The following TNR variants were observed in gnomAD, a reference collection of about 807,000 sequenced individuals.
TNR encodes tenascin-R.
Under a neutral mutation model 150.4 loss-of-function variants are expected in TNR, and 45 were observed. That is an observed-to-expected ratio of 0.30 (90% CI 0.24 to 0.38). The LOEUF is 0.38. TNR is among the 10% of genes least tolerant of loss of function. The pLI, the probability that TNR is intolerant of heterozygous loss-of-function variation, is 1.00. For missense variants in TNR, 1,544 were observed against 1,759.1 expected (o/e 0.88, Z 2.19); for synonymous variants, 687 against 678.4 (o/e 1.01, Z -0.20).
intron 2 of TNR, among the ~76,000 whole-genome samples, chr1:175,470,130 T>C (rs1657220229): frequency 1.3e-5 from 2 of 151,868 alleles, no homozygotes; most frequent in Non-Finnish European, 1.5e-5. Flanking sequence ...ATTGGACGGG[T>C]TGCATTTGAG....
chr1:175,544,609 T>A (rs1373170096), intron 1 of TNR, among the ~76,000 whole-genome samples: 1 of 152,176 alleles, frequency 6.6e-6, no homozygotes, highest in Non-Finnish European at 1.5e-5. Flanking sequence ...CATAGGTATA[T>A]TGGTGCTAAT....
chr1:175,491,040 T>TAA (rs932466820), intron 2 of TNR, among the ~76,000 whole-genome samples: 8 of 152,166 alleles, frequency 5.3e-5, no homozygotes, highest in African/African-American at 1.9e-4. Context: ...TATGTAGCCA[T>TAA]AAAAAGGAAT....
At chr1:175,464,422 T>A (rs745494089) in intron 2 of TNR, among the ~76,000 whole-genome samples, 1 of 152,040 alleles carries the variant, frequency 6.6e-6, no homozygotes, top group South Asian at 2.1e-4. Context: ...CACTGCCAGC[T>A]CCAAGGAAGA....
intron 1 of TNR, among the ~76,000 whole-genome samples, chr1:175,687,072 G>A (rs1666219782): frequency 6.6e-6 from 1 of 152,202 alleles, no homozygotes; most frequent in South Asian, 2.1e-4. Flanking sequence ...TGGGAGCACA[G>A]TTGCATCTAT....
chr1:175,391,647 T>C (rs188067111), intron 6 of TNR, among the ~76,000 whole-genome samples: 2 of 152,200 alleles, frequency 1.3e-5, no homozygotes, highest in African/African-American at 4.8e-5. Context: ...CTATGAGGAT[T>C]TGGCAAATGG....
intron 17 of TNR, among the ~76,000 whole-genome samples, 189 bp downstream of exon 17, chr1:175,355,314 C>G (rs1272329882): frequency 2.0e-5 from 3 of 152,168 alleles, no homozygotes; most frequent in Non-Finnish European, 4.4e-5. Context: ...TCATCCAAAT[C>G]TTCTGGCTTG....
chr1:175,460,910 T>C (rs1656785542), intron 2 of TNR, among the ~76,000 whole-genome samples: 1 of 152,198 alleles, frequency 6.6e-6, no homozygotes, highest in Non-Finnish European at 1.5e-5. Flanking sequence ...CACACACATG[T>C]ACATGCTCAT....
chr1:175,367,288 G>C lies in TNR; in HGVS notation c.1973C>G (p.Pro658Arg), dbSNP rs1227248169. The change falls in exon 10 of 23, where the codon CCT becomes CGT. Residue 658 changes from proline to arginine, a missense_variant. Coordinates refer to ENST00000367674, the MANE Select transcript of TNR (RefSeq NM_003285.3). ...TATTCCAACTCCATACTCAGTGCCAGGTACCAGATCTATCAGTGGATGGAG... is the reference window on the plus strand; with the variant it reads ...TATTCCAACTCCATACTCAGTGCCACGTACCAGATCTATCAGTGGATGGAG... ...TTRATLTDLVPGTEYGVGISA... is the reference protein window; with the variant it reads ...TTRATLTDLVRGTEYGVGISA... 2 of 1,613,976 alleles carry C rather than the reference G, an allele frequency of 1.2e-6. No individual in the cohort carries two copies. The highest frequency in any genetic ancestry group is 2.2e-5 in the East Asian group (1 of 44,890).
At chr1:175,566,982 G>T (rs1354634504) in intron 1 of TNR, among the ~76,000 whole-genome samples, 1 of 152,062 alleles carries the variant, frequency 6.6e-6, no homozygotes, top group African/African-American at 2.4e-5. Context: ...AGCCCCCATG[G>T]CTTTATATTC....
chr1:175,563,540 C>T (rs912427469), intron 1 of TNR, among the ~76,000 whole-genome samples: 2 of 152,192 alleles, frequency 1.3e-5, no homozygotes, highest in African/African-American at 2.4e-5. Flanking sequence ...TTTGCTTAGC[C>T]TCCTCAATGT....
intron 1 of TNR, among the ~76,000 whole-genome samples, chr1:175,638,492 C>A (rs1190134104): frequency 6.6e-6 from 1 of 152,136 alleles, no homozygotes; most frequent in African/African-American, 2.4e-5. Context: ...GGCTTCAGGC[C>A]GGGTCTCAGC....
Position 175,584,360 on chromosome 1 carries a change from C to A in TNR, c.-164-55991G>T, listed in dbSNP as rs189056158. ...AATGACAAGAATTGCAGAGAAACAC[C>A]AGAAACCAGAAGAAGCAAGGGAGGA... On this transcript the variant is annotated intron_variant, in intron 1 of 22. Coordinates refer to ENST00000367674, the MANE Select transcript of TNR (RefSeq NM_003285.3). Among the ~76,000 whole-genome samples, 286 of 152,270 alleles carry A rather than the reference C, an allele frequency of 1.9e-3. 1 individual carries two copies. The highest frequency in any genetic ancestry group is 2.9e-3 in the Non-Finnish European group (196 of 68,016).
At chr1:175,409,704 T>C (rs1206471606) in intron 2 of TNR, among the ~76,000 whole-genome samples, 3 of 152,124 alleles carry the variant, frequency 2.0e-5, no homozygotes, top group Non-Finnish European at 2.9e-5. Context: ...AATCCTATAA[T>C]ATGAGAGGGA....
intron 2 of TNR, among the ~76,000 whole-genome samples, chr1:175,475,596 GC>G (rs1197925854): frequency 6.6e-6 from 1 of 152,226 alleles, no homozygotes; most frequent in Non-Finnish European, 1.5e-5. Context: ...CTGGGATGGT[GC>G]CACTGTGCCT....
chr1:175,334,647 C>T (rs1465769080), intron 20 of TNR, among the ~76,000 whole-genome samples: 1 of 152,204 alleles, frequency 6.6e-6, no homozygotes, highest in Non-Finnish European at 1.5e-5. Context: ...CAGATGCAGA[C>T]TCAGGGCACG....
intron 2 of TNR, among the ~76,000 whole-genome samples, chr1:175,464,706 C>G (rs546794027): frequency 1.2e-3 from 190 of 152,312 alleles, no homozygotes; most frequent in African/African-American, 4.4e-3. Context: ...CTTTAGAGAC[C>G]TTCCACTGTC....
intron 1 of TNR, among the ~76,000 whole-genome samples, chr1:175,541,964 C>T (rs1051005444): frequency 1.3e-5 from 2 of 152,076 alleles, no homozygotes; most frequent in Non-Finnish European, 2.9e-5. Context: ...CCAGACAAAG[C>T]TGTTATGGGG....
At chr1:175,603,975 C>A (rs528590853) in intron 1 of TNR, among the ~76,000 whole-genome samples, 9 of 152,092 alleles carry the variant, frequency 5.9e-5, no homozygotes, top group Admixed American at 2.6e-4. Context: ...GTAAATAGAT[C>A]AAAAATTTTT....
intron 2 of TNR, among the ~76,000 whole-genome samples, chr1:175,423,413 T>C (rs1306133343): frequency 6.6e-6 from 1 of 152,122 alleles, no homozygotes; most frequent in Non-Finnish European, 1.5e-5. Flanking sequence ...ACAAATCCCA[T>C]GGTGGCATTT....
Sources: gnomAD v4.1 joint callset for allele counts (sites outside exome capture counted in the v4.1 genomes callset) on GRCh38, gnomAD v4.1.1 for gene constraint, MANE v1.5 for transcripts, NCBI Gene and HGNC (gene_info 2026-07-23, HGNC 2026-07-21) for gene names.